Variants in PTPRS observed in about 807,000 individuals in gnomAD.
PTPRS encodes the protein protein tyrosine phosphatase receptor type S.
Under a neutral mutation model 215.3 loss-of-function variants are expected in PTPRS, and 63 were observed. The observed-to-expected ratio is 0.29, with a 90% CI of 0.24 to 0.36. PTPRS has a LOEUF of 0.36. Among genes scored for constraint, PTPRS ranks in the 10% least tolerant of loss-of-function variants. The pLI, the probability that PTPRS is intolerant of heterozygous loss-of-function variation, is 1.00. For missense variants in PTPRS, 2,258 were observed against 2,825.8 expected, an observed-to-expected ratio of 0.80 and a Z score of 4.56; for synonymous variants, 1,404 against 1,191.4, an observed-to-expected ratio of 1.18 and a Z score of -3.68.
At chr19:5,216,849 G>A in intron 25 of PTPRS, 82 bp from the exon 26 acceptor site, 10 of 922,302 alleles carry the variant, frequency 1.1e-5, no homozygotes, top group East Asian at 2.6e-5. Flanking sequence ...ACCCCTCACT[G>A]GCTGGCGGAT....
chr19:5,262,483 A>G (rs1013252969), intron 6 of PTPRS, among the ~76,000 whole-genome samples: 3 of 152,204 alleles, frequency 2.0e-5, no homozygotes, highest in African/African-American at 7.2e-5. Context: ...AATGCTGAGA[A>G]AAGTGGATGA....
At chr19:5,296,982 G>A (rs780014758) in intron 1 of PTPRS, among the ~76,000 whole-genome samples, 3 of 152,092 alleles carry the variant, frequency 2.0e-5, no homozygotes, top group African/African-American at 2.4e-5. Flanking sequence ...TTTTCTAAAC[G>A]GCTCATTTGG....
intron 1 of PTPRS, among the ~76,000 whole-genome samples, chr19:5,320,243 C>G (rs2049989213): frequency 6.6e-6 from 1 of 152,202 alleles, no homozygotes; most frequent in South Asian, 2.1e-4. Context: ...GGGCGGCAGC[C>G]AGTGCCCGTG....
rs1395042194 is a variant in PTPRS, at chr19:5,222,723, G to A, written c.3069C>T (p.Pro1023=). 6 of 1,595,632 alleles carry A rather than the reference G, an allele frequency of 3.8e-6. No individual in the cohort carries two copies. The highest frequency in any genetic ancestry group is 5.1e-6 in the Non-Finnish European group (6 of 1,177,042). The change falls in exon 18 of 38, where the codon CCC becomes CCT. Residue 1023 remains proline, a synonymous_variant. Transcript: ENST00000262963. The part of the protein sequence containing the change: ...HTRRGPGPFS[P]PVRYRTFLRD... ...GCAGGAACGTCCGGTAGCGGACGGG[G>A]GGGCTGAAGGGGCCAGGGCCCCGGC...
intron 1 of PTPRS, among the ~76,000 whole-genome samples, chr19:5,298,634 C>T (rs1217769769): frequency 6.6e-6 from 1 of 152,236 alleles, no homozygotes; most frequent in Non-Finnish European, 1.5e-5. Flanking sequence ...GCCCGCCTCA[C>T]CCATGTTCAC....
At position 5,286,031 on chromosome 19, in the gene PTPRS, T is replaced by C; in HGVS notation, c.91+19A>G. ...AAACAAACACGCAGACCCCTGCACA[T>C]CCCGTGCCGGCTTCTTACCTTCTGC... On this transcript the variant is annotated intron_variant, in intron 2 of 37. Coordinates refer to ENST00000262963, the MANE Select transcript of PTPRS (RefSeq NM_002850.4). 2 of 1,608,048 alleles carry C rather than the reference T, an allele frequency of 1.2e-6. No individual in the cohort carries two copies. The highest frequency in any genetic ancestry group is 1.7e-6 in the Non-Finnish European group (2 of 1,175,166).
At chr19:5,303,818 G>A (rs1003296285) in intron 1 of PTPRS, among the ~76,000 whole-genome samples, 1 of 151,728 alleles carries the variant, frequency 6.6e-6, no homozygotes, top group African/African-American at 2.4e-5. Context: ...GGGTGTGGTG[G>A]TATGCGCCTG....
rs371881792 is a variant in PTPRS, at chr19:5,221,073, C to A, written c.3382G>T (p.Val1128Phe). 10 of 1,613,898 alleles carry A rather than the reference C, an allele frequency of 6.2e-6. No homozygotes were observed. The highest frequency in any genetic ancestry group is 8.5e-6 in the Non-Finnish European group (10 of 1,180,002). The change falls in exon 20 of 38, where the codon GTC becomes TTC. Residue 1128 changes from valine to phenylalanine, a missense_variant. Coordinates refer to ENST00000262963, the MANE Select transcript of PTPRS (RefSeq NM_002850.4). Reference protein sequence around the residue: ...AFNLLNGKPSVAPKPDADGFI... With the variant: ...AFNLLNGKPSFAPKPDADGFI... The stretch of plus-strand genomic sequence containing the variant: ...CCGTCAGCATCAGGCTTGGGGGCGA[C>A]GCTGGGCTTGCCGTTGAGCAGGTTG...
intron 19 of PTPRS, among the ~76,000 whole-genome samples, chr19:5,221,562 ACTGAACC>A (rs910331905): frequency 6.6e-6 from 1 of 151,358 alleles, no homozygotes; most frequent in African/African-American, 2.4e-5. Context: ...CCCCAATCCC[ACTGAACC>A]CTGAACCCAG....
chr19:5,231,308 A>G lies in PTPRS; in HGVS notation c.2155+2T>C. 1 of 1,601,520 alleles carries G rather than the reference A, an allele frequency of 6.2e-7. No individual in the cohort carries two copies. ...GGTCCCGGGCCTGGGGCAGGTACTT[A>G]CCATCCTCGTCGGTGCGGACGACCA... On this transcript the variant is annotated splice_donor_variant, in intron 14 of 37. Transcript: ENST00000262963. LOFTEE classifies it high-confidence loss of function.
chr19:5,340,695 T>C lies in PTPRS; in HGVS notation c.-126A>G, dbSNP rs1283221341. The C allele has an allele frequency of 1.3e-5, 2 of 149,370 alleles. No individual in the cohort carries two copies. The highest frequency in any genetic ancestry group is 5.0e-5 in the African/African-American group (2 of 40,342). The allele number at this position is 149,370 out of a possible 1,614,324, so 9.3% of individuals were successfully genotyped here. A position where few individuals can be genotyped will look rare whatever the true frequency, so the allele number is the denominator to read the frequency against. Reference sequence around the variant, plus strand: ...GCTGGCTGGGCTGGGCTCCCCCGGCTCTGCCCCGCTTCACATCGTGGCTGT... The same window carrying C: ...GCTGGCTGGGCTGGGCTCCCCCGGCCCTGCCCCGCTTCACATCGTGGCTGT... On this transcript the variant is annotated 5_prime_UTR_variant, in exon 1 of 38. Transcript: ENST00000262963.
intron 30 of PTPRS, among the ~76,000 whole-genome samples, chr19:5,213,340 AAGGCCCAC>A (rs1173515664): frequency 1.4e-5 from 1 of 73,176 alleles, no homozygotes; most frequent in Non-Finnish European, 3.5e-5. Flanking sequence ...AGTCTTCCCC[AAGGCCCAC>A]AGGATCCTGC....
chr19:5,276,229 G>A (rs2047348753), intron 2 of PTPRS, among the ~76,000 whole-genome samples: 1 of 152,038 alleles, frequency 6.6e-6, no homozygotes, highest in South Asian at 2.1e-4. Context: ...TTTTGTTTTT[G>A]TTTTTGTTTT....
intron 7 of PTPRS, among the ~76,000 whole-genome samples, chr19:5,258,639 T>A (rs1447885256): frequency 6.6e-6 from 1 of 152,184 alleles, no homozygotes; most frequent in Non-Finnish European, 1.5e-5. Context: ...GTTCCTCAGT[T>A]GTGTTTGGAA....
chr19:5,236,868 A>T (rs1280911108), intron 13 of PTPRS, among the ~76,000 whole-genome samples: 1 of 150,900 alleles, frequency 6.6e-6, no homozygotes, highest in Non-Finnish European at 1.5e-5. Context: ...AAAAAAAACA[A>T]CAATCAAGGA....
intron 4 of PTPRS, among the ~76,000 whole-genome samples, chr19:5,271,708 TATTCATTCATTCATTC>T (rs532699217): frequency 1.3e-5 from 2 of 151,220 alleles, no homozygotes; most frequent in Non-Finnish European, 2.9e-5. Flanking sequence ...ATTTCATTTT[TATTCATTCATTCATTC>T]ATTCATTCAT....
chr19:5,284,428 A>T (rs1329332947), intron 2 of PTPRS, among the ~76,000 whole-genome samples: 1 of 149,312 alleles, frequency 6.7e-6, no homozygotes, highest in Non-Finnish European at 1.5e-5. Flanking sequence ...AAAATTAGCC[A>T]GGTCAGGCAC....
chr19:5,241,258 G>A (rs1370118478), intron 11 of PTPRS, among the ~76,000 whole-genome samples: 2 of 152,028 alleles, frequency 1.3e-5, no homozygotes, highest in Non-Finnish European at 2.9e-5. Flanking sequence ...GAAATTAGCA[G>A]GGAGATATGT....
intron 1 of PTPRS, among the ~76,000 whole-genome samples, chr19:5,337,293 C>A (rs532505957): frequency 1.3e-5 from 2 of 152,382 alleles, no homozygotes; most frequent in East Asian, 3.9e-4. Context: ...CTCCACGCCC[C>A]GCTTCTTCCC....
Sources: allele counts gnomAD v4.1 joint callset (sites outside exome capture counted in the v4.1 genomes callset), GRCh38; gene constraint gnomAD v4.1.1; transcripts MANE v1.5; gene names NCBI Gene and HGNC (gene_info 2026-07-23, HGNC 2026-07-21).